NUCB2: variants seen among roughly 807,000 people sequenced by gnomAD.
NUCB2 encodes the protein nucleobindin 2.
A neutral mutation model predicts 57.9 loss-of-function variants in NUCB2; 48 were observed. The observed-to-expected ratio is 0.83, with a 90% CI of 0.66 to 1.05. The LOEUF is 1.05. NUCB2 is among the 50% of genes least tolerant of loss of function. The probability of loss-of-function intolerance (pLI) is 0.00; values close to 1 mark genes in which losing one functional copy is unlikely to be tolerated. For missense variants in NUCB2, 442 were observed against 476.2 expected, an observed-to-expected ratio of 0.93 and a Z score of 0.67; for synonymous variants, 139 against 152.1, an observed-to-expected ratio of 0.91 and a Z score of 0.64.
At position 17,311,219 on chromosome 11, in the gene NUCB2, A is replaced by T; in HGVS notation, c.696A>T (p.Val232=). The change falls in exon 8 of 14, where the codon GTA becomes GTT. Residue 232 remains valine, a synonymous_variant. Coordinates refer to ENST00000529010, the MANE Select transcript of NUCB2 (RefSeq NM_005013.4). ...GAAGCAAAGATCAACTAAAAGAGGT[A>T]TGGGAAGAGACTGATGGATTGGATC... ...HPGSKDQLKE[V]WEETDGLDPN... 1 of 1,607,310 alleles carries T rather than the reference A, an allele frequency of 6.2e-7. No individual in the cohort carries two copies. Among genetic ancestry groups the T allele is most frequent in the Middle Eastern group, 1.7e-4 (1 of 6,022 alleles).
At chr11:17,325,722 T>C (rs1207544210) in intron 11 of NUCB2, among the ~76,000 whole-genome samples, 1 of 152,148 alleles carries the variant, frequency 6.6e-6, no homozygotes, top group Non-Finnish European at 1.5e-5. Flanking sequence ...TTTTGTTATT[T>C]TTCTGGATGT....
chr11:17,324,611 T>C (rs989993656), intron 11 of NUCB2, among the ~76,000 whole-genome samples: 3 of 151,870 alleles, frequency 2.0e-5, no homozygotes, highest in African/African-American at 7.3e-5. Context: ...CTTCTGTATT[T>C]TTAGTAGAGA....
At chr11:17,304,961 C>A (rs1947376339) in intron 5 of NUCB2, among the ~76,000 whole-genome samples, 1 of 152,210 alleles carries the variant, frequency 6.6e-6, no homozygotes, top group Non-Finnish European at 1.5e-5. Flanking sequence ...TAAACATAAT[C>A]CAAATAAAAA....
At chr11:17,346,614 T>C (rs1039029668) in intron 2 of NUCB2, among the ~76,000 whole-genome samples, 1 of 152,216 alleles carries the variant, frequency 6.6e-6, no homozygotes, top group African/African-American at 2.4e-5. Context: ...TGGAAAGTCC[T>C]GGACTGGGTG....
chr11:17,348,666 T>C (rs1952969021), intron 2 of NUCB2, among the ~76,000 whole-genome samples: 1 of 151,692 alleles, frequency 6.6e-6, no homozygotes, highest in Non-Finnish European at 1.5e-5. Flanking sequence ...AGCTAAGGAC[T>C]GTGCTTTAGC....
Position 17,324,863 on chromosome 11 carries a change from G to A in NUCB2, c.1003-5264G>A, listed in dbSNP as rs12276066. On this transcript the variant is annotated intron_variant, in intron 11 of 13. Coordinates refer to ENST00000529010, the MANE Select transcript of NUCB2 (RefSeq NM_005013.4). ...GTTGCCCTGGCTAGAGTGCAGTGGCGCGATCTTGGCTCACTGCAACCTCCG... is the reference window on the plus strand; with the variant it reads ...GTTGCCCTGGCTAGAGTGCAGTGGCACGATCTTGGCTCACTGCAACCTCCG... Among the ~76,000 whole-genome samples the A allele has an allele frequency of 7.1e-3, 1,075 of 151,570 alleles. 12 individuals are homozygous for A. The highest frequency in any genetic ancestry group is 0.025 in the African/African-American group (1,021 of 41,254).
At chr11:17,287,171 A>G (rs1200791307) in intron 2 of NUCB2, among the ~76,000 whole-genome samples, 1 of 152,072 alleles carries the variant, frequency 6.6e-6, no homozygotes, top group African/African-American at 2.4e-5. Flanking sequence ...TACCAAAAAA[A>G]AATATATATA....
In NUCB2 at chr11:17,310,856, C is replaced by T; in HGVS notation, c.515C>T (p.Thr172Ile). The T allele has an allele frequency of 6.3e-7, 1 of 1,589,128 alleles. No homozygotes were observed. Among genetic ancestry groups the T allele is most frequent in the South Asian group, 1.2e-5 (1 of 85,034 alleles). ...AGTGATCTGGAACACTATGACAAGA[C>T]TCGTCATGAAGAATTTAAAAAATAT... ...ATSDLEHYDK[T>I]RHEEFKKYEM... The change falls in exon 7 of 14, where the codon ACT becomes ATT. Residue 172 changes from threonine to isoleucine, a missense_variant. By Grantham distance (89) the Thr-to-Ile change is moderately conservative. Transcript: ENST00000529010.
chr11:17,310,997 A>C lies in NUCB2; in HGVS notation c.656A>C (p.Lys219Thr). The change falls in exon 7 of 14, where the codon AAA (lysine) becomes ACA (threonine). Residue 219 changes from lysine (K) to threonine (T), a missense_variant. Coordinates refer to ENST00000529010, the MANE Select transcript of NUCB2 (RefSeq NM_005013.4). The part of the protein sequence containing the change: ...EMKKKHENHP[K>T]VNHPGSKDQL... ...AAGAAAAAGCATGAAAATCACCCTA[A>C]AGTTAATCACCCAGTAAGGATTGTG... 6.3e-7 allele frequency: 1 copy of C among 1,577,616 alleles called. No individual in the cohort carries two copies. The highest frequency in any genetic ancestry group is 8.5e-7 in the Non-Finnish European group (1 of 1,170,608).
At chr11:17,325,125 G>A (rs761519782) in intron 11 of NUCB2, among the ~76,000 whole-genome samples, 2 of 152,134 alleles carry the variant, frequency 1.3e-5, no homozygotes, top group South Asian at 2.1e-4. Flanking sequence ...CTTTGAGAAC[G>A]ATCCATGTGC....
Position 17,309,678 on chromosome 11 carries a change from G to A in NUCB2, c.483+3G>A. ...ATTTAGATATGCTAATCAAAGCGGT[G>A]AGAATAATTCCAAAAAGTTTTGTCT... is the stretch of plus-strand genomic sequence containing the variant. On this transcript the variant is annotated splice_donor_region_variant and intron_variant, in intron 6 of 13. Coordinates refer to ENST00000529010, the MANE Select transcript of NUCB2 (RefSeq NM_005013.4). 6.3e-7 allele frequency: 1 copy of A among 1,576,528 alleles called. No homozygotes were observed. Among genetic ancestry groups the A allele is most frequent in the Non-Finnish European group, 8.6e-7 (1 of 1,163,218 alleles).
At chr11:17,313,927 G>C (rs1297624217) in intron 10 of NUCB2, among the ~76,000 whole-genome samples, 3 of 152,030 alleles carry the variant, frequency 2.0e-5, no homozygotes, top group African/African-American at 7.3e-5. Context: ...ATATCTGCAT[G>C]TATGCTGGTG....
chr11:17,315,393 C>T lies in NUCB2; in HGVS notation c.920C>T (p.Thr307Ile). The T allele has an allele frequency of 6.3e-7, 1 of 1,595,266 alleles. No homozygotes were observed. The change falls in exon 11 of 14, where the codon ACT (threonine) becomes ATT (isoleucine). Residue 307 changes from threonine (T) to isoleucine (I), a missense_variant. By Grantham distance (89) the Thr-to-Ile change is moderately conservative. Coordinates refer to ENST00000529010, the MANE Select transcript of NUCB2 (RefSeq NM_005013.4). ...ACATTTTGTTTTAATCAGGTTGATA[C>T]TAACAAAGACAGATTGGTGACTCTG... ...MREHVMNEVD[T>I]NKDRLVTLEE... is the part of the protein sequence containing the mutation.
intron 2 of NUCB2, among the ~76,000 whole-genome samples, chr11:17,284,427 T>A (rs1411766819): frequency 6.6e-6 from 1 of 152,164 alleles, no homozygotes; most frequent in Non-Finnish European, 1.5e-5. Flanking sequence ...AATAAATAGC[T>A]TTGAGAAAAA....
intron 5 of NUCB2, among the ~76,000 whole-genome samples, chr11:17,303,574 C>T (rs1030011600): frequency 2.0e-5 from 3 of 151,926 alleles, no homozygotes; most frequent in Admixed American, 1.3e-4. Flanking sequence ...ATAGAATTTC[C>T]GAAATGCAAG....
intron 5 of NUCB2, among the ~76,000 whole-genome samples, chr11:17,308,278 C>T (rs1026881361): frequency 6.6e-6 from 1 of 152,166 alleles, no homozygotes; most frequent in African/African-American, 2.4e-5. Flanking sequence ...CAAGAGCTGG[C>T]ACTAGGTACG....
chr11:17,324,113 T>C (rs970724958), intron 11 of NUCB2, among the ~76,000 whole-genome samples: 5 of 152,198 alleles, frequency 3.3e-5, no homozygotes, highest in Non-Finnish European at 7.3e-5. Flanking sequence ...TTCAGTTTGC[T>C]CTTGCTTTTC....
intron 11 of NUCB2, among the ~76,000 whole-genome samples, 189 bp from the exon 12 acceptor site, chr11:17,329,938 C>T: frequency 6.6e-6 from 1 of 152,128 alleles, no homozygotes; most frequent in East Asian, 1.9e-4. Flanking sequence ...TTGAGTTTTT[C>T]TTCCTGTTTT....
intron 1 of NUCB2, among the ~76,000 whole-genome samples, chr11:17,281,581 G>T (rs959184921): frequency 6.6e-6 from 1 of 151,964 alleles, no homozygotes; most frequent in East Asian, 1.9e-4. Flanking sequence ...TATTTTCCTC[G>T]CATCAACAAA....
Sources: gnomAD v4.1 joint callset for allele counts (sites outside exome capture counted in the v4.1 genomes callset) on GRCh38, gnomAD v4.1.1 for gene constraint, MANE v1.5 for transcripts, NCBI Gene and HGNC (gene_info 2026-07-23, HGNC 2026-07-21) for gene names.